The following ADSS2 variants were observed in gnomAD, a reference collection of about 807,000 sequenced individuals.
ADSS2 encodes the protein adenylosuccinate synthetase isozyme 2.
In ADSS2, 30 loss-of-function variants were observed where a neutral mutation model predicts 60.0. The observed-to-expected ratio is 0.50, with a 90% confidence interval of 0.37 to 0.68. ADSS2 has a LOEUF of 0.68. ADSS2 is among the 30% of genes least tolerant of loss of function. The probability of loss-of-function intolerance (pLI) is 0.00; values close to 1 mark genes in which losing one functional copy is unlikely to be tolerated. For missense variants in ADSS2, 373 were observed against 554.8 expected (o/e 0.67, Z 3.29); for synonymous variants, 187 against 193.1 (o/e 0.97, Z 0.26).
intron 11 of ADSS2, among the ~76,000 whole-genome samples, chr1:244,411,903 T>C (rs1260879855): frequency 1.3e-5 from 2 of 152,222 alleles, no homozygotes; most frequent in African/African-American, 4.8e-5. Flanking sequence ...GTATTTTCTC[T>C]GTATCCCCTA....
At chr1:244,443,935 AT>A (rs1248645448) in intron 1 of ADSS2, among the ~76,000 whole-genome samples, 1 of 152,142 alleles carries the variant, frequency 6.6e-6, no homozygotes, top group East Asian at 1.9e-4. Flanking sequence ...GTTGAGGCCA[AT>A]TTTTAAACCA....
intron 8 of ADSS2, among the ~76,000 whole-genome samples, chr1:244,419,739 C>G (rs1664634116): frequency 6.6e-6 from 1 of 152,190 alleles, no homozygotes; most frequent in African/African-American, 2.4e-5. Context: ...AGGAAATGCT[C>G]TGAATTCAGA....
chr1:244,409,769 C>T, intron 12 of ADSS2, 131 bp from the exon 13 acceptor site: 1 of 691,116 alleles, frequency 1.4e-6, no homozygotes, highest in South Asian at 1.8e-5. Context: ...TTTTGCTGTT[C>T]TCTATTCTGT....
In ADSS2 at chr1:244,436,089, G is replaced by A. The variant is rs150228775; in HGVS notation, c.355+736C>T. Among the ~76,000 whole-genome samples, 577 of 152,326 alleles carry A rather than the reference G, an allele frequency of 3.8e-3. 6 individuals carry two copies. The highest frequency in any genetic ancestry group is 0.012 in the African/African-American group (513 of 41,568). The stretch of plus-strand genomic sequence containing the variant: ...CCTGGAAACACTGAATAAACTGTGT[G>A]CGTGCCTATGTTTGGACTGTGACTC... On this transcript the variant is annotated intron_variant, in intron 3 of 12. Transcript: ENST00000366535.
At chr1:244,449,519 T>C (rs1250113996) in intron 1 of ADSS2, among the ~76,000 whole-genome samples, 1 of 152,216 alleles carries the variant, frequency 6.6e-6, no homozygotes, top group African/African-American at 2.4e-5. Flanking sequence ...ACATTCCAAT[T>C]TTATAACCTA....
Position 244,450,781 on chromosome 1 carries a change from C to A in ADSS2, c.183+854G>T, listed in dbSNP as rs547268860. Among the ~76,000 whole-genome samples, 16 of 152,296 alleles carry A rather than the reference C, an allele frequency of 1.1e-4. No homozygotes were observed. In the East Asian group the frequency reaches 3.1e-3, roughly 29 times the overall value. On this transcript the variant is annotated intron_variant, in intron 1 of 12. Coordinates refer to ENST00000366535, the MANE Select transcript of ADSS2 (RefSeq NM_001126.5). ...TAGGAAGAAAGGTTACACTGAAAAC[C>A]ACGTGTCTCCCGTTAGAAGTACATT...
At chr1:244,416,349 G>A (rs1260584092) in intron 10 of ADSS2, among the ~76,000 whole-genome samples, 6 of 152,090 alleles carry the variant, frequency 3.9e-5, no homozygotes, top group Non-Finnish European at 4.4e-5. Flanking sequence ...ACAGGGTCTC[G>A]CTTTGTCACC....
At chr1:244,413,207 C>G (rs1307100817) in intron 11 of ADSS2, among the ~76,000 whole-genome samples, 1 of 152,112 alleles carries the variant, frequency 6.6e-6, no homozygotes, top group Non-Finnish European at 1.5e-5. Flanking sequence ...TCTCATGATG[C>G]ATGACACAGA....
At chr1:244,431,306 T>C (rs771642208) in intron 4 of ADSS2, among the ~76,000 whole-genome samples, 1 of 152,216 alleles carries the variant, frequency 6.6e-6, no homozygotes, top group East Asian at 1.9e-4. Flanking sequence ...AAAACCCTTT[T>C]GTCCTTATCC....
intron 4 of ADSS2, among the ~76,000 whole-genome samples, chr1:244,429,058 T>C (rs934727381): frequency 1.3e-5 from 2 of 152,196 alleles, no homozygotes; most frequent in African/African-American, 4.8e-5. Context: ...TAAAAAACAG[T>C]ACATCTTGAC....
At chr1:244,415,539 A>G (rs576905072) in intron 11 of ADSS2, among the ~76,000 whole-genome samples, 3 of 152,304 alleles carry the variant, frequency 2.0e-5, no homozygotes, top group Admixed American at 2.0e-4. Context: ...AATGACTACT[A>G]TAGAATAAAG....
At chr1:244,418,204 T>C (rs1005900902) in intron 9 of ADSS2, among the ~76,000 whole-genome samples, 1 of 152,202 alleles carries the variant, frequency 6.6e-6, no homozygotes, top group African/African-American at 2.4e-5. Flanking sequence ...CCCTACAACT[T>C]GTTTTTCCTA....
chr1:244,429,108 T>C (rs1367984158), intron 4 of ADSS2, among the ~76,000 whole-genome samples: 3 of 152,188 alleles, frequency 2.0e-5, no homozygotes, highest in East Asian at 3.8e-4. Flanking sequence ...TGTATACATA[T>C]ATGAATAAAA....
chr1:244,434,587 C>T (rs1474823669), intron 3 of ADSS2, among the ~76,000 whole-genome samples: 1 of 152,154 alleles, frequency 6.6e-6, no homozygotes, highest in Non-Finnish European at 1.5e-5. Flanking sequence ...GCCTCCCCTT[C>T]TACGGTTGTT....
At chr1:244,417,225 C>G (rs545644100) in intron 10 of ADSS2, among the ~76,000 whole-genome samples, 1 of 152,278 alleles carries the variant, frequency 6.6e-6, no homozygotes, top group Admixed American at 6.5e-5. Flanking sequence ...CTCAGCTACA[C>G]AAGCATAATG....
chr1:244,444,490 G>C (rs536109312), intron 1 of ADSS2, among the ~76,000 whole-genome samples: 8 of 107,378 alleles, frequency 7.5e-5, no homozygotes, highest in Admixed American at 1.1e-4. Flanking sequence ...ACTCCAGCCT[G>C]GGCGACAGAG....
At chr1:244,420,340 C>G (rs377557638) in intron 7 of ADSS2, 44 bp from the exon 8 acceptor site, 1 of 1,513,456 alleles carries the variant, frequency 6.6e-7, no homozygotes, top group African/African-American at 1.4e-5. Context: ...TACTAATAAA[C>G]GTTTAACATA....
chr1:244,429,489 T>A (rs149817021), intron 4 of ADSS2, among the ~76,000 whole-genome samples: 1 of 152,224 alleles, frequency 6.6e-6, no homozygotes, highest in Non-Finnish European at 1.5e-5. Context: ...AAAGCAAAGA[T>A]CGAAGTGGTT....
At chr1:244,421,342 C>CG (rs1474459434) in intron 7 of ADSS2, among the ~76,000 whole-genome samples, 1 of 152,118 alleles carries the variant, frequency 6.6e-6, no homozygotes, top group African/African-American at 2.4e-5. Flanking sequence ...AATATGTAGA[C>CG]TATTATGGAA....
Sources: allele counts gnomAD v4.1 joint callset (sites outside exome capture counted in the v4.1 genomes callset), GRCh38; gene constraint gnomAD v4.1.1; transcripts MANE v1.5; gene names NCBI Gene and HGNC (gene_info 2026-07-23, HGNC 2026-07-21).